The following PLEKHA8 variants were observed in gnomAD, a reference collection of about 807,000 sequenced individuals.
PLEKHA8 encodes the protein pleckstrin homology domain containing A8.
A neutral mutation model predicts 68.2 loss-of-function variants in PLEKHA8; 36 were observed. The ratio of observed to expected loss-of-function variants is 0.53; its 90% confidence interval spans 0.40 to 0.70. The LOEUF is 0.70. Among genes scored for constraint, PLEKHA8 ranks in the 30% least tolerant of loss-of-function variants. The pLI is 0.00. For synonymous variants in PLEKHA8, 211 were observed against 216.1 expected (o/e 0.98, Z 0.20); for missense variants, 505 against 615.4 (o/e 0.82, Z 1.90).
chr7:30,081,205 C>T lies in PLEKHA8; in HGVS notation c.*2418C>T, dbSNP rs149491598. On this transcript the variant is annotated 3_prime_UTR_variant, in exon 14 of 14. Transcript: ENST00000449726. The stretch of plus-strand genomic sequence containing the variant: ...CAGACAGAATAGCTTGAATAAGTTA[C>T]ATTTTCCAATTACCCTTTTTCCACA... 2.1e-4 allele frequency: 208 copies of T among 985,318 alleles called. No individual in the cohort carries two copies. The African/African-American group carries it at 3.4e-3, about 16-fold the overall frequency. 61.0% of individuals were successfully genotyped at this position (985,318 alleles called of 1,614,324 possible).
intron 6 of PLEKHA8, among the ~76,000 whole-genome samples, chr7:30,051,368 AC>A (rs1792395310): frequency 6.6e-6 from 1 of 151,034 alleles, no homozygotes; most frequent in Admixed American, 6.6e-5. Context: ...ATATGCTCCT[AC>A]ATTTTGAATT....
chr7:30,072,438 A>G (rs1257245308), intron 12 of PLEKHA8, among the ~76,000 whole-genome samples: 1 of 152,250 alleles, frequency 6.6e-6, no homozygotes, highest in Admixed American at 6.5e-5. Flanking sequence ...CCTCACTCCA[A>G]TTTTAAAATA....
chr7:30,056,357 ACACATATATATAT>A (rs1442380791), intron 9 of PLEKHA8, among the ~76,000 whole-genome samples: 59 of 129,878 alleles, frequency 4.5e-4, no homozygotes, highest in African/African-American at 1.6e-3. Flanking sequence ...AATATATATA[ACACATATATATAT>A]AAATAACATA....
intron 5 of PLEKHA8, 123 bp downstream of exon 5, chr7:30,049,505 C>T: frequency 7.8e-7 from 1 of 1,283,146 alleles, no homozygotes; most frequent in Non-Finnish European, 1.1e-6. Flanking sequence ...GGACTTTGCT[C>T]TACGTCCTTT....
At chr7:30,048,871 A>G (rs902960728) in intron 4 of PLEKHA8, among the ~76,000 whole-genome samples, 1 of 152,154 alleles carries the variant, frequency 6.6e-6, no homozygotes, top group African/African-American at 2.4e-5. Context: ...AGGATACCAA[A>G]AAAGCATTTC....
intron 1 of PLEKHA8, among the ~76,000 whole-genome samples, chr7:30,033,849 G>A (rs1422506855): frequency 1.3e-5 from 2 of 152,026 alleles, no homozygotes; most frequent in East Asian, 3.9e-4. Context: ...TAGTGGATGT[G>A]AAATGATATC....
intron 12 of PLEKHA8, among the ~76,000 whole-genome samples, chr7:30,068,653 G>A (rs906531250): frequency 6.6e-6 from 1 of 151,794 alleles, no homozygotes; most frequent in Non-Finnish European, 1.5e-5. Context: ...TTCAGTTATG[G>A]GTTAAAATGT....
At chr7:30,112,938 AC>A (rs1267262233) in intron 13 of PLEKHA8, among the ~76,000 whole-genome samples, 5 of 152,126 alleles carry the variant, frequency 3.3e-5, no homozygotes, top group Admixed American at 6.6e-5. Context: ...GCTTGACTTA[AC>A]AAGCCTAAAG....
chr7:30,030,168 G>A (rs1334630419), intron 1 of PLEKHA8, among the ~76,000 whole-genome samples: 1 of 152,174 alleles, frequency 6.6e-6, no homozygotes, highest in Non-Finnish European at 1.5e-5. Context: ...GCTCTCAGAT[G>A]CATATACTTG....
At chr7:30,066,756 T>C (rs1198920926) in intron 12 of PLEKHA8, among the ~76,000 whole-genome samples, 1 of 152,230 alleles carries the variant, frequency 6.6e-6, no homozygotes, top group Non-Finnish European at 1.5e-5. Context: ...TATTGCCACA[T>C]ATCTCATCTC....
chr7:30,077,654 C>T (rs544684881), intron 13 of PLEKHA8, among the ~76,000 whole-genome samples: 3 of 152,276 alleles, frequency 2.0e-5, no homozygotes, highest in Admixed American at 2.0e-4. Flanking sequence ...GTGCTTTAGC[C>T]ACTGCATGAT....
At chr7:30,058,121 G>A (rs62446684) in intron 9 of PLEKHA8, among the ~76,000 whole-genome samples, 25,284 of 151,886 alleles carry the variant, frequency 0.17, 2,206 homozygotes, top group African/African-American at 0.22. Context: ...TGTCTGTTCA[G>A]ATCTTTCACC....
In PLEKHA8 at chr7:30,081,370, G is replaced by C. The variant is rs1431063469; in HGVS notation, c.*2583G>C. The C allele has an allele frequency of 4.1e-6, 4 of 984,098 alleles. No individual in the cohort carries two copies. The African/African-American group carries it at 7.0e-5, about 17-fold the overall frequency. 61.0% of individuals were successfully genotyped at this position (984,098 alleles called of 1,614,324 possible). On this transcript the variant is annotated 3_prime_UTR_variant, in exon 14 of 14. Transcript: ENST00000449726. ...TGAGGATCCTTAAATAAAAATATTA[G>C]AAATTAGAAATTGAACCTAATACTA...
chr7:30,116,295 CAT>C (rs535587154), intron 13 of PLEKHA8, among the ~76,000 whole-genome samples: 11 of 151,074 alleles, frequency 7.3e-5, no homozygotes, highest in African/African-American at 2.4e-4. Flanking sequence ...TGTATGTATT[CAT>C]ACATGTATAC....
intron 9 of PLEKHA8, among the ~76,000 whole-genome samples, chr7:30,056,325 TATATATAAATAA>T (rs1562870032): frequency 7.8e-4 from 107 of 136,832 alleles, no homozygotes; most frequent in Non-Finnish European, 1.1e-3. Context: ...TATATATATA[TATATATAAATAA>T]CATATATATA....
intron 1 of PLEKHA8, among the ~76,000 whole-genome samples, chr7:30,039,134 T>A (rs2127964617): frequency 6.6e-6 from 1 of 152,350 alleles, no homozygotes; most frequent in South Asian, 2.1e-4. Flanking sequence ...AAGAATAAGC[T>A]GGTAGCAGTT....
chr7:30,090,057 A>T (rs1355769936), intron 12 of PLEKHA8: 11 of 1,285,280 alleles, frequency 8.6e-6, no homozygotes, highest in South Asian at 1.4e-5. Context: ...CCAAAAATAA[A>T]AAGGAACTAA....
downstream of PLEKHA8, among the ~76,000 whole-genome samples, chr7:30,085,558 C>T (rs1181474053): frequency 6.6e-6 from 1 of 152,180 alleles, no homozygotes; most frequent in Non-Finnish European, 1.5e-5. Context: ...TTTTGCCTCT[C>T]ACACACTTGT....
intron 1 of PLEKHA8, among the ~76,000 whole-genome samples, chr7:30,043,895 T>C (rs2127969811): frequency 6.6e-6 from 1 of 152,302 alleles, no homozygotes; most frequent in South Asian, 2.1e-4. Flanking sequence ...CTGCCTTCTC[T>C]CTGGCTTCCT....
Sources: allele counts gnomAD v4.1 joint callset (sites outside exome capture counted in the v4.1 genomes callset), GRCh38; gene constraint gnomAD v4.1.1; transcripts MANE v1.5; gene names NCBI Gene and HGNC (gene_info 2026-07-23, HGNC 2026-07-21).